Variants in ATG5 observed in about 807,000 individuals in gnomAD.
ATG5 encodes autophagy protein 5.
Under a neutral mutation model 36.5 loss-of-function variants are expected in ATG5, and 14 were observed. The ratio of observed to expected loss-of-function variants is 0.38; its 90% CI spans 0.25 to 0.60. The LOEUF (loss-of-function observed/expected upper bound fraction) is 0.60. Among genes scored for constraint, ATG5 ranks in the 20% least tolerant of loss-of-function variants. The probability of loss-of-function intolerance (pLI) is 0.60; values close to 1 mark genes in which losing one functional copy is unlikely to be tolerated. For synonymous variants in ATG5, 95 were observed against 101.5 expected (o/e 0.94, Z 0.38); for missense variants, 195 against 326.7 (o/e 0.60, Z 3.11).
At chr6:106,258,206 C>T (rs1317232266) in intron 5 of ATG5, among the ~76,000 whole-genome samples, 3 of 112,380 alleles carry the variant, frequency 2.7e-5, no homozygotes, top group Admixed American at 1.0e-4. Context: ...CCGTCTCTAA[C>T]AAAAAAAAAA....
At chr6:106,228,724 C>T (rs954303750) in intron 6 of ATG5, among the ~76,000 whole-genome samples, 1 of 152,184 alleles carries the variant, frequency 6.6e-6, no homozygotes, top group Non-Finnish European at 1.5e-5. Flanking sequence ...GCTTGCTACT[C>T]TGGCCTATCC....
chr6:106,229,415 A>AGAGAGAGAGAGAGACAGAGAG (rs1777582313), intron 6 of ATG5, among the ~76,000 whole-genome samples: 1 of 150,486 alleles, frequency 6.6e-6, no homozygotes, highest in African/African-American at 2.4e-5. Flanking sequence ...AGACAGAGAC[A>AGAGAGAGAGAGAGACAGAGAG]GAGAGAGAGA....
At chr6:106,299,698 A>G (rs909679972) in intron 3 of ATG5, among the ~76,000 whole-genome samples, 1 of 152,204 alleles carries the variant, frequency 6.6e-6, no homozygotes, top group African/African-American at 2.4e-5. Flanking sequence ...GCATGTGTGC[A>G]CATTGGCACA....
At chr6:106,282,266 C>T (rs2114607198) in intron 4 of ATG5, among the ~76,000 whole-genome samples, 1 of 152,332 alleles carries the variant, frequency 6.6e-6, no homozygotes, top group African/African-American at 2.4e-5. Flanking sequence ...TGTCACGGCG[C>T]AAGTCTTCTA....
At chr6:106,292,608 T>C (rs1007492174) in intron 4 of ATG5, among the ~76,000 whole-genome samples, 2 of 152,206 alleles carry the variant, frequency 1.3e-5, no homozygotes, top group Admixed American at 6.5e-5. Context: ...TTTTGTTTTT[T>C]CTAGCCGACT....
At chr6:106,225,976 C>T (rs1415252071) in intron 6 of ATG5, among the ~76,000 whole-genome samples, 2 of 152,198 alleles carry the variant, frequency 1.3e-5, no homozygotes, top group Non-Finnish European at 2.9e-5. Context: ...AAGCCATACA[C>T]ATGTATAGAG....
At chr6:106,207,547 G>T (rs75194066) in intron 6 of ATG5, among the ~76,000 whole-genome samples, 3,147 of 150,816 alleles carry the variant, frequency 0.021, 101 homozygotes, top group African/African-American at 0.073. Flanking sequence ...AAAAAAAAAA[G>T]AAAGAAAGAA....
Position 106,218,350 on chromosome 6 carries a change from C to T in ATG5, c.574-16261G>A, listed in dbSNP as rs1286489974. On this transcript the variant is annotated intron_variant, in intron 6 of 7. Coordinates refer to ENST00000369076, the MANE Select transcript of ATG5 (RefSeq NM_004849.4). ...TATTTAAGGCTCCAAAAGCAGCAGC[C>T]TCATTCCCCAGAAATCATAGTTAAA... Among the ~76,000 whole-genome samples, 5 of 152,120 alleles carry T rather than the reference C, an allele frequency of 3.3e-5. No individual in the cohort carries two copies. The East Asian group carries it at 9.6e-4, about 29-fold the overall frequency.
At chr6:106,198,741 G>A (rs1181560440) in intron 7 of ATG5, among the ~76,000 whole-genome samples, 9 of 151,060 alleles carry the variant, frequency 6.0e-5, no homozygotes, top group Middle Eastern at 3.4e-3. Flanking sequence ...GCACCACTGC[G>A]CTCCAACCTG....
In ATG5 at chr6:106,248,339, A is replaced by C. The variant is rs192220155; in HGVS notation, c.479-95T>G. On this transcript the variant is annotated intron_variant, in intron 5 of 7. Coordinates refer to ENST00000369076, the MANE Select transcript of ATG5 (RefSeq NM_004849.4). The stretch of plus-strand genomic sequence containing the variant: ...TGAAAGTTTTAAATATCCCTCTAGA[A>C]GTTTCTGAAAGGACATCACATATAT... 6.7e-6 allele frequency: 5 copies of C among 747,802 alleles called. No individual in the cohort carries two copies. In the Admixed American group the frequency reaches 1.2e-4, roughly 18 times the overall value. The allele number at this position is 747,802 out of a possible 1,614,324, so 46.3% of individuals were successfully genotyped here. A position where few individuals can be genotyped will look rare whatever the true frequency, so the allele number is the denominator to read the frequency against.
intron 6 of ATG5, among the ~76,000 whole-genome samples, chr6:106,214,804 A>T (rs1776979607): frequency 6.6e-6 from 1 of 152,172 alleles, no homozygotes; most frequent in Non-Finnish European, 1.5e-5. Context: ...GATGCTTGTT[A>T]TAAGCCCATT....
At chr6:106,187,409 T>C (rs1775816991) in intron 7 of ATG5, among the ~76,000 whole-genome samples, 2 of 152,158 alleles carry the variant, frequency 1.3e-5, no homozygotes, top group South Asian at 4.1e-4. Flanking sequence ...TTCATGATTT[T>C]GGTGTGTTGT....
At chr6:106,234,495 C>T (rs1777815357) in intron 6 of ATG5, among the ~76,000 whole-genome samples, 2 of 152,220 alleles carry the variant, frequency 1.3e-5, no homozygotes, top group African/African-American at 2.4e-5. Flanking sequence ...TTTAGCAATA[C>T]TGTAGACACA....
chr6:106,228,844 C>G (rs771803817), intron 6 of ATG5, among the ~76,000 whole-genome samples: 49 of 152,126 alleles, frequency 3.2e-4, no homozygotes, highest in Non-Finnish European at 5.4e-4. Context: ...GGCTTTCTAA[C>G]AACCCTCAAC....
At chr6:106,313,081 G>A (rs1354181926) in intron 2 of ATG5, among the ~76,000 whole-genome samples, 1 of 152,204 alleles carries the variant, frequency 6.6e-6, no homozygotes, top group Non-Finnish European at 1.5e-5. Flanking sequence ...AGAGAAGGCA[G>A]AGGTGGAGGT....
At chr6:106,248,405 G>A (rs1338691280) in intron 5 of ATG5, among the ~76,000 whole-genome samples, 161 bp from the exon 6 acceptor site, 1 of 152,024 alleles carries the variant, frequency 6.6e-6, no homozygotes, top group Non-Finnish European at 1.5e-5. Context: ...TAAACATAAA[G>A]CAAATATAAA....
intron 1 of ATG5, 27 bp from the exon 2 acceptor site, chr6:106,316,293 C>A: frequency 2.2e-6 from 2 of 908,226 alleles, no homozygotes; most frequent in South Asian, 1.8e-5. Flanking sequence ...GAGCATTAGT[C>A]AGATCCTTGC....
chr6:106,211,396 G>A (rs1189801107), intron 6 of ATG5, among the ~76,000 whole-genome samples: 1 of 152,146 alleles, frequency 6.6e-6, no homozygotes, highest in Non-Finnish European at 1.5e-5. Context: ...ACAATGACAA[G>A]GGGCTCAAGT....
intron 6 of ATG5, among the ~76,000 whole-genome samples, chr6:106,223,533 T>G (rs1359778337): frequency 6.6e-6 from 1 of 152,220 alleles, no homozygotes; most frequent in Non-Finnish European, 1.5e-5. Flanking sequence ...GGACTCAATT[T>G]ACCTATTTCT....
Sources: allele counts gnomAD v4.1 joint callset (sites outside exome capture counted in the v4.1 genomes callset), GRCh38; gene constraint gnomAD v4.1.1; transcripts MANE v1.5; gene names NCBI Gene and HGNC (gene_info 2026-07-23, HGNC 2026-07-21).